The following ZNF804A variants were observed in gnomAD, a reference collection of about 807,000 sequenced individuals.
The protein encoded by ZNF804A is zinc finger protein 804A.
A neutral mutation model predicts 16.5 loss-of-function variants in ZNF804A; 2 were observed. The ratio of observed to expected loss-of-function variants is 0.12; its 90% CI spans 0.05 to 0.38. ZNF804A has a LOEUF of 0.38. Ranked by LOEUF, ZNF804A falls within the 10% of genes least tolerant of loss-of-function variation. The pLI, the probability that ZNF804A is intolerant of heterozygous loss-of-function variation, is 0.99. For synonymous variants in ZNF804A, 534 were observed against 489.6 expected, an observed-to-expected ratio of 1.09 and a Z score of -1.20; for missense variants, 1,473 against 1,390.7, an observed-to-expected ratio of 1.06 and a Z score of -0.94.
intron 1 of ZNF804A, among the ~76,000 whole-genome samples, chr2:184,785,224 T>C (rs993388474): frequency 6.6e-6 from 1 of 152,006 alleles, no homozygotes; most frequent in Non-Finnish European, 1.5e-5. Context: ...ATCAGGAATA[T>C]AATTTATTGC....
intron 1 of ZNF804A, among the ~76,000 whole-genome samples, chr2:184,863,316 A>G (rs1277273247): frequency 1.3e-5 from 2 of 152,188 alleles, no homozygotes; most frequent in African/African-American, 4.8e-5. Flanking sequence ...GAAAAGAATC[A>G]GGATTAAATG....
chr2:184,681,172 G>A (rs1167713915), intron 1 of ZNF804A, among the ~76,000 whole-genome samples: 1 of 152,226 alleles, frequency 6.6e-6, no homozygotes, highest in Admixed American at 6.5e-5. Context: ...AATGAGCCCA[G>A]TGGGCCCAGG....
rs145117210 is a variant in ZNF804A, at chr2:184,742,687, A to C, written c.112-123682A>C. On this transcript the variant is annotated intron_variant, in intron 1 of 3. Transcript: ENST00000302277. Reference sequence around the variant, plus strand: ...GTAAATTATTTGTTGGTCACCTATTAGGTTCTAGGATTCTGGTGAAAAAAT... The same window carrying C: ...GTAAATTATTTGTTGGTCACCTATTCGGTTCTAGGATTCTGGTGAAAAAAT... 2.4e-3 allele frequency among the ~76,000 whole-genome samples: 368 copies of C among 151,462 alleles called. 5 individuals carry two copies. The highest frequency in any genetic ancestry group is 0.021 in the East Asian group (108 of 5,182).
chr2:184,927,876 G>GCTCAACCT (rs1559005448), intron 2 of ZNF804A, among the ~76,000 whole-genome samples: 1 of 152,156 alleles, frequency 6.6e-6, no homozygotes, highest in African/African-American at 2.4e-5. Context: ...CTTCAGGGCA[G>GCTCAACCT]TGGGCTCCCC....
At chr2:184,866,247 C>T in intron 1 of ZNF804A, 122 bp from the exon 2 acceptor site, 3 of 808,766 alleles carry the variant, frequency 3.7e-6, no homozygotes, top group Non-Finnish European at 5.4e-6. Flanking sequence ...TATTTGCTTT[C>T]TTTTTCTCTT....
intron 1 of ZNF804A, among the ~76,000 whole-genome samples, chr2:184,652,253 A>G (rs960597319): frequency 6.6e-6 from 1 of 152,090 alleles, no homozygotes; most frequent in South Asian, 2.1e-4. Context: ...TCATGAACAT[A>G]AAGATGGCAA....
chr2:184,718,446 T>G (rs1343624429), intron 1 of ZNF804A, among the ~76,000 whole-genome samples: 2 of 152,000 alleles, frequency 1.3e-5, no homozygotes, highest in Non-Finnish European at 2.9e-5. Context: ...CAGCATTAAC[T>G]CAAAAGTCCA....
At chr2:184,933,457 G>A (rs1215192169) in intron 2 of ZNF804A, 146 bp from the exon 3 acceptor site, 4 of 636,636 alleles carry the variant, frequency 6.3e-6, no homozygotes, top group Non-Finnish European at 9.6e-6. Flanking sequence ...AAATATTTTT[G>A]TTAGAAGTGG....
At chr2:184,761,542 G>A (rs1694036424) in intron 1 of ZNF804A, among the ~76,000 whole-genome samples, 1 of 152,032 alleles carries the variant, frequency 6.6e-6, no homozygotes, top group Non-Finnish European at 1.5e-5. Flanking sequence ...GTCTATTCCA[G>A]TACATAATTT....
chr2:184,783,593 G>A (rs1694405724), intron 1 of ZNF804A, among the ~76,000 whole-genome samples: 1 of 151,846 alleles, frequency 6.6e-6, no homozygotes, highest in Admixed American at 6.6e-5. Flanking sequence ...CACTTCTTCT[G>A]TTGTTTTGCC....
At chr2:184,929,396 T>C (rs112770868) in intron 2 of ZNF804A, among the ~76,000 whole-genome samples, 5,599 of 152,274 alleles carry the variant, frequency 0.037, 127 homozygotes, top group Middle Eastern at 0.11. Context: ...ATTAGAAGCA[T>C]TGCACTTTTA....
At chr2:184,619,254 C>CAT (rs1272770547) in intron 1 of ZNF804A, among the ~76,000 whole-genome samples, 2 of 151,808 alleles carry the variant, frequency 1.3e-5, no homozygotes, top group African/African-American at 4.8e-5. Flanking sequence ...TGTATTTATG[C>CAT]ATATATAATC....
intron 1 of ZNF804A, among the ~76,000 whole-genome samples, chr2:184,775,641 T>C (rs971717113): frequency 2.6e-5 from 4 of 151,752 alleles, no homozygotes; most frequent in Non-Finnish European, 4.4e-5. Context: ...ATTGTTCTTC[T>C]TTTCATATTC....
At chr2:184,750,017 A>G (rs776860833) in intron 1 of ZNF804A, among the ~76,000 whole-genome samples, 6 of 151,554 alleles carry the variant, frequency 4.0e-5, no homozygotes, top group Non-Finnish European at 7.4e-5. Flanking sequence ...AATTCATAAT[A>G]CAAGATGGTC....
intron 1 of ZNF804A, among the ~76,000 whole-genome samples, chr2:184,703,130 CGTGAA>C (rs1191045850): frequency 1.3e-5 from 2 of 151,988 alleles, no homozygotes; most frequent in Non-Finnish European, 2.9e-5. Context: ...TCTTACATTT[CGTGAA>C]GTGTTTACTA....
chr2:184,612,267 A>T (rs940735687), intron 1 of ZNF804A, among the ~76,000 whole-genome samples: 1 of 152,164 alleles, frequency 6.6e-6, no homozygotes, highest in Non-Finnish European at 1.5e-5. Flanking sequence ...TAGTTGAAAA[A>T]TATCTGAGAT....
chr2:184,680,118 G>A (rs1438568641), intron 1 of ZNF804A, among the ~76,000 whole-genome samples: 2 of 152,214 alleles, frequency 1.3e-5, no homozygotes, highest in East Asian at 3.9e-4. Flanking sequence ...ACCCACTGTG[G>A]GTCTCCTGTC....
chr2:184,879,433 A>T (rs557564651), intron 2 of ZNF804A, among the ~76,000 whole-genome samples: 1 of 151,920 alleles, frequency 6.6e-6, no homozygotes, highest in Non-Finnish European at 1.5e-5. Context: ...CTTTTATTGT[A>T]TCACTCTTAT....
At chr2:184,887,952 C>A (rs1684922915) in intron 2 of ZNF804A, among the ~76,000 whole-genome samples, 1 of 152,092 alleles carries the variant, frequency 6.6e-6, no homozygotes, top group African/African-American at 2.4e-5. Context: ...AGGGAAAAAA[C>A]AGACACCAGG....
Sources: gnomAD v4.1 joint callset for allele counts (sites outside exome capture counted in the v4.1 genomes callset) on GRCh38, gnomAD v4.1.1 for gene constraint, MANE v1.5 for transcripts, NCBI Gene and HGNC (gene_info 2026-07-23, HGNC 2026-07-21) for gene names.